Variants in DMXL1 observed in about 807,000 individuals in gnomAD.
DMXL1 encodes Dmx like 1.
Under a neutral mutation model 319.2 loss-of-function variants are expected in DMXL1, and 99 were observed. The observed-to-expected ratio is 0.31, with a 90% confidence interval of 0.26 to 0.37. DMXL1 has a LOEUF of 0.37. Ranked by LOEUF, DMXL1 falls within the 10% of genes least tolerant of loss-of-function variation. The pLI, the probability that DMXL1 is intolerant of heterozygous loss-of-function variation, is 1.00. For missense variants in DMXL1, 3,745 were observed against 3,595.6 expected (o/e 1.04, Z -1.06); for synonymous variants, 1,385 against 1,235.2 (o/e 1.12, Z -2.54).
At chr5:119,130,861 T>C (rs1195604765) in intron 10 of DMXL1, among the ~76,000 whole-genome samples, 1 of 152,190 alleles carries the variant, frequency 6.6e-6, no homozygotes, top group African/African-American at 2.4e-5. Flanking sequence ...ATGGGGAATT[T>C]CCAGGGAGTG....
intron 18 of DMXL1, 22 bp from the exon 19 acceptor site, chr5:119,151,907 C>T (rs1041615879): frequency 3.9e-6 from 6 of 1,542,500 alleles, no homozygotes; most frequent in Non-Finnish European, 5.4e-6. Context: ...TAATACATTG[C>T]TTCCCCTTTC....
intron 42 of DMXL1, among the ~76,000 whole-genome samples, chr5:119,243,352 C>G (rs1789169967): frequency 6.6e-6 from 1 of 152,118 alleles, no homozygotes; most frequent in South Asian, 2.1e-4. Context: ...GTGATAATCT[C>G]TTTTACAAAT....
chr5:119,158,408 T>C (rs1397343290), intron 19 of DMXL1, among the ~76,000 whole-genome samples: 1 of 152,192 alleles, frequency 6.6e-6, no homozygotes, highest in African/African-American at 2.4e-5. Flanking sequence ...GTATGTAAGA[T>C]TGTGTTGTTA....
At chr5:119,169,927 G>A (rs1325752496) in intron 23 of DMXL1, among the ~76,000 whole-genome samples, 3 of 152,158 alleles carry the variant, frequency 2.0e-5, no homozygotes, top group South Asian at 4.1e-4. Flanking sequence ...ATAACTGGAC[G>A]TTTTAAATTA....
chr5:119,141,168 G>T (rs4325495), intron 13 of DMXL1, among the ~76,000 whole-genome samples: 1 of 152,116 alleles, frequency 6.6e-6, no homozygotes, highest in Non-Finnish European at 1.5e-5. Flanking sequence ...GGCAAAAGCT[G>T]GAAGCATTCC....
chr5:119,211,599 G>T (rs1041168456), intron 34 of DMXL1, among the ~76,000 whole-genome samples: 1 of 152,068 alleles, frequency 6.6e-6, no homozygotes, highest in East Asian at 1.9e-4. Flanking sequence ...GTCTTCTTTA[G>T]TATTTATATT....
intron 1 of DMXL1, among the ~76,000 whole-genome samples, chr5:119,076,162 GTT>G (rs1750810681): frequency 1.3e-5 from 2 of 152,090 alleles, no homozygotes; most frequent in African/African-American, 4.8e-5. Flanking sequence ...AAGCAAATAT[GTT>G]ATAGCTCCAA....
chr5:119,077,674 ATG>A (rs369098761), intron 1 of DMXL1, among the ~76,000 whole-genome samples: 3,799 of 118,674 alleles, frequency 0.032, 206 homozygotes, highest in African/African-American at 0.11. Context: ...GTGTATATAT[ATG>A]TGTGTGTGTG....
intron 38 of DMXL1, among the ~76,000 whole-genome samples, chr5:119,226,847 A>T (rs1216039851): frequency 6.6e-6 from 1 of 152,198 alleles, no homozygotes; most frequent in Non-Finnish European, 1.5e-5. Context: ...AGTTTATTAT[A>T]AAAGAAACAG....
intron 1 of DMXL1, among the ~76,000 whole-genome samples, chr5:119,073,255 T>C (rs1580520431): frequency 6.6e-6 from 1 of 151,918 alleles, no homozygotes; most frequent in Non-Finnish European, 1.5e-5. Flanking sequence ...TAGAGAGGGG[T>C]CTCCTTATGT....
At chr5:119,170,111 A>G in intron 23 of DMXL1, 79 bp from the exon 24 acceptor site, 1 of 1,418,870 alleles carries the variant, frequency 7.0e-7, no homozygotes, top group Non-Finnish European at 9.4e-7. Flanking sequence ...AAGGTGTCAT[A>G]GTAGATAGAG....
chr5:119,096,789 C>CT (rs1580675801), intron 1 of DMXL1, among the ~76,000 whole-genome samples: 1 of 152,196 alleles, frequency 6.6e-6, no homozygotes, highest in African/African-American at 2.4e-5. Context: ...GCTATGTATA[C>CT]TTTCTTTTGT....
intron 10 of DMXL1, among the ~76,000 whole-genome samples, chr5:119,131,132 C>T (rs1172230100): frequency 6.7e-6 from 1 of 148,632 alleles, no homozygotes; most frequent in Non-Finnish European, 1.5e-5. Flanking sequence ...CTTTTAATAC[C>T]CTTTATCTAA....
intron 9 of DMXL1, among the ~76,000 whole-genome samples, chr5:119,126,249 C>T (rs993838782): frequency 1.2e-4 from 18 of 152,198 alleles, no homozygotes; most frequent in South Asian, 2.1e-4. Context: ...CGCCATTGCC[C>T]TCCACCCTGG....
chr5:119,111,616 A>C (rs1759617479), intron 5 of DMXL1, among the ~76,000 whole-genome samples: 3 of 152,206 alleles, frequency 2.0e-5, no homozygotes, highest in Non-Finnish European at 4.4e-5. Flanking sequence ...AGGAAAAATT[A>C]ATAGTTCTAA....
chr5:119,101,194 A>G (rs980106729), intron 2 of DMXL1, among the ~76,000 whole-genome samples: 1 of 152,216 alleles, frequency 6.6e-6, no homozygotes, highest in Admixed American at 6.5e-5. Flanking sequence ...TCAATGCAGC[A>G]CAAGTGATAT....
At chr5:119,118,503 G>A (rs1761331252) in intron 7 of DMXL1, among the ~76,000 whole-genome samples, 1 of 152,094 alleles carries the variant, frequency 6.6e-6, no homozygotes, top group Non-Finnish European at 1.5e-5. Context: ...CCAGGATGAG[G>A]CGGGAGGATT....
chr5:119,138,273 G>A (rs551101424), intron 13 of DMXL1, among the ~76,000 whole-genome samples: 1 of 152,172 alleles, frequency 6.6e-6, no homozygotes, highest in Non-Finnish European at 1.5e-5. Context: ...GACTCCCAAG[G>A]TTTGTGATTG....
chr5:119,173,712 G>C (rs190680915), intron 25 of DMXL1, among the ~76,000 whole-genome samples: 2,789 of 135,080 alleles, frequency 0.021, 70 homozygotes, highest in African/African-American at 0.073. Context: ...ATATATATGT[G>C]TGTGTGTATA....
Sources: allele counts gnomAD v4.1 joint callset (sites outside exome capture counted in the v4.1 genomes callset), GRCh38; gene constraint gnomAD v4.1.1; transcripts MANE v1.5; gene names NCBI Gene and HGNC (gene_info 2026-07-23, HGNC 2026-07-21).